The following ZBTB21 variants were observed in gnomAD, a reference collection of about 807,000 sequenced individuals.
ZBTB21 encodes zinc finger and BTB domain containing 21, also known as zinc finger and BTB domain-containing protein 21.
ZBTB21 carries 10 observed loss-of-function variants against 39.8 expected under a neutral mutation model. The ratio of observed to expected loss-of-function variants is 0.25; its 90% CI spans 0.16 to 0.43. The LOEUF (loss-of-function observed/expected upper bound fraction) is 0.43, where lower values mean the gene tolerates loss of function less well. Ranked by LOEUF, ZBTB21 falls within the 20% of genes least tolerant of loss-of-function variation. The pLI is 1.00. For synonymous variants in ZBTB21, 551 were observed against 498.8 expected (o/e 1.10, Z -1.40); for missense variants, 1,221 against 1,296.3 (o/e 0.94, Z 0.89).
At chr21:41,998,197 T>C (rs923132170) in intron 2 of ZBTB21, among the ~76,000 whole-genome samples, 1 of 151,748 alleles carries the variant, frequency 6.6e-6, no homozygotes, top group African/African-American at 2.4e-5. Context: ...TTTTCATTTT[T>C]TTTTTTTTTT....
At chr21:41,998,422 C>T (rs535922226) in intron 2 of ZBTB21, among the ~76,000 whole-genome samples, 1 of 152,226 alleles carries the variant, frequency 6.6e-6, no homozygotes, top group South Asian at 2.1e-4. Flanking sequence ...AACTCCTGAC[C>T]TCACGTGATC....
chr21:41,992,344 A>G lies in ZBTB21; in HGVS notation c.1752T>C (p.Phe584=), dbSNP rs1283936115. Residue 584 remains phenylalanine, a synonymous_variant, in exon 3 of 3, where the codon TTT becomes TTC. Coordinates refer to ENST00000310826, the MANE Select transcript of ZBTB21 (RefSeq NM_001098402.2). This position sits in a 1 kb window ranked among gnomAD's most constrained non-coding sequence, Gnocchi z 4.1. ...PYACDICHKR[F]HTNFKVWTHC... is the part of the protein sequence containing the mutation. ...GTGTCCACACTTTGAAGTTGGTGTG[A>G]AACCTCTTGTGACAGATGTCACAAG... 6.8e-6 allele frequency: 11 copies of G among 1,614,106 alleles called. No individual in the cohort carries two copies. The highest frequency in any genetic ancestry group is 9.3e-6 in the Non-Finnish European group (11 of 1,180,048).
Position 42,008,897 on chromosome 21 carries a change from T to C in ZBTB21, c.-79+1355A>G, listed in dbSNP as rs2065918235. On this transcript the variant is annotated intron_variant, in intron 1 of 2. Transcript: ENST00000310826. The stretch of plus-strand genomic sequence containing the variant: ...TTTAAACTTAATGACTACTAGTCCT[T>C]AGAGATCATCATTTACTCCAAGTAC... Among the ~76,000 whole-genome samples the C allele has an allele frequency of 1.3e-5, 2 of 152,248 alleles. 1 individual carries two copies. The highest frequency in any genetic ancestry group is 4.1e-4 in the South Asian group (2 of 4,828).
In ZBTB21 at chr21:41,991,157, T is replaced by G. The variant is rs752527926; in HGVS notation, c.2939A>C (p.Asn980Thr). 2 of 1,613,262 alleles carry G rather than the reference T, an allele frequency of 1.2e-6. No individual in the cohort carries two copies. The highest frequency in any genetic ancestry group is 3.3e-5 in the Admixed American group (2 of 59,928). ...TGGCAGAGGTGGTGGAGAGGGAGAG[T>G]TTGTGGGAACAGGGCACACCTCAGA... ...KESEVCPVPT[N>T]SPSPPPLPPP... Residue 980 changes from asparagine (N) to threonine (T), a missense_variant, in exon 3 of 3, where the codon AAC (asparagine) becomes ACC (threonine). Coordinates refer to ENST00000310826, the MANE Select transcript of ZBTB21 (RefSeq NM_001098402.2). This position sits in a 1 kb window ranked among gnomAD's most constrained non-coding sequence, Gnocchi z 4.9.
chr21:41,999,111 C>T (rs1284713106), intron 2 of ZBTB21, among the ~76,000 whole-genome samples: 9 of 152,116 alleles, frequency 5.9e-5, no homozygotes, highest in African/African-American at 1.9e-4. Flanking sequence ...TAATGTTACA[C>T]GTATTGACTC....
At chr21:42,006,168 A>C (rs2065876008) in intron 1 of ZBTB21, among the ~76,000 whole-genome samples, 1 of 152,148 alleles carries the variant, frequency 6.6e-6, no homozygotes, top group African/African-American at 2.4e-5. Context: ...TAATCCCAGC[A>C]CTTTGGGAAG....
rs1013681104 is a variant in ZBTB21, at chr21:41,992,814, G to A, written c.1282C>T (p.Arg428Cys). ...GGGCTGCTGGGCTCAGTCTTTATGC[G>A]CACCTCAGTCACAGGGGAAGCTCCC... ...REGASPVTEV[R>C]IKTEPSSPLS... Residue 428 changes from arginine to cysteine, a missense_variant, in exon 3 of 3, where the codon CGC becomes TGC. Physicochemically the swap from Arg to Cys is radical, Grantham distance 180. Transcript: ENST00000310826. This position sits in a 1 kb window ranked among gnomAD's most constrained non-coding sequence, Gnocchi z 4.1. 4.3e-6 allele frequency: 7 copies of A among 1,613,918 alleles called. No homozygotes were observed. In the Admixed American group the frequency reaches 6.7e-5, roughly 15 times the overall value.
chr21:42,005,831 T>C (rs934562993), intron 1 of ZBTB21, among the ~76,000 whole-genome samples: 1 of 152,206 alleles, frequency 6.6e-6, no homozygotes, highest in Non-Finnish European at 1.5e-5. Flanking sequence ...CCCCACTTTC[T>C]AGTGAGATAA....
chr21:42,010,025 A>G (rs1381394730), intron 1 of ZBTB21, among the ~76,000 whole-genome samples: 3 of 152,236 alleles, frequency 2.0e-5, no homozygotes, highest in African/African-American at 7.2e-5. Context: ...GAGCGTGCGC[A>G]GTGTGAAGGT....
At chr21:42,007,691 G>A (rs2065896937) in intron 1 of ZBTB21, 2 of 152,168 alleles carry the variant, frequency 1.3e-5, no homozygotes, top group Admixed American at 1.3e-4. Flanking sequence ...TCCCCCAAGG[G>A]ACTCCCTAAA....
At chr21:42,003,832 T>C (rs560864186) in intron 1 of ZBTB21, among the ~76,000 whole-genome samples, 2 of 152,354 alleles carry the variant, frequency 1.3e-5, no homozygotes, top group Middle Eastern at 6.8e-3. Context: ...AATGCTCATC[T>C]GGCCTTGCTG....
In ZBTB21 at chr21:41,991,677, C is replaced by T. The variant is rs374335079; in HGVS notation, c.2419G>A (p.Glu807Lys). 61 of 1,614,058 alleles carry T rather than the reference C, an allele frequency of 3.8e-5. No individual in the cohort carries two copies. Among genetic ancestry groups the T allele is most frequent in the South Asian group, 2.5e-4 (23 of 91,088 alleles). Residue 807 changes from glutamate to lysine, a missense_variant, in exon 3 of 3, where the codon GAA becomes AAA. Glu to Lys is a moderately conservative substitution (Grantham distance 56). Coordinates refer to ENST00000310826, the MANE Select transcript of ZBTB21 (RefSeq NM_001098402.2). The surrounding 1 kb of genome is among the most constrained non-coding windows in gnomAD (Gnocchi z 4.9). The part of the protein sequence containing the change: ...VHNQNNMAPT[E>K]NFSLPVLDHN... ...TCCAAAACGGGCAAAGAAAAGTTTTCGGTGGGTGCCATGTTGTTCTGATTA... is the reference window on the plus strand; with the variant it reads ...TCCAAAACGGGCAAAGAAAAGTTTTTGGTGGGTGCCATGTTGTTCTGATTA...
At position 41,992,397 on chromosome 21, in the gene ZBTB21, T is replaced by C; in HGVS notation, c.1699A>G (p.Met567Val). ...STAGLHRHVN[M>V]YHNPEKPYAC... ...TAGGGCTTTTCTGGGTTATGGTACATGTTAACATGACGGTGAAGACCTGCT... is the reference window on the plus strand; with the variant it reads ...TAGGGCTTTTCTGGGTTATGGTACACGTTAACATGACGGTGAAGACCTGCT... Residue 567 changes from methionine to valine, a missense_variant, in exon 3 of 3, where the codon ATG (methionine) becomes GTG (valine). This residue lies in a region of ZBTB21 where 90 missense variants were observed against 133.1 expected (regional missense o/e 0.68). Transcript: ENST00000310826. This position sits in a 1 kb window ranked among gnomAD's most constrained non-coding sequence, Gnocchi z 4.1. 6.2e-7 allele frequency: 1 copy of C among 1,614,224 alleles called. No individual in the cohort carries two copies. Among genetic ancestry groups the C allele is most frequent in the African/African-American group, 1.3e-5 (1 of 75,062 alleles).
At chr21:41,994,516 A>G (rs905794604) in intron 2 of ZBTB21, among the ~76,000 whole-genome samples, 3 of 152,248 alleles carry the variant, frequency 2.0e-5, no homozygotes, top group African/African-American at 7.2e-5. Context: ...TATAATTCTG[A>G]AAGAAAATCA....
intron 2 of ZBTB21, among the ~76,000 whole-genome samples, chr21:41,999,368 A>G (rs1318664960): frequency 6.6e-6 from 1 of 152,136 alleles, no homozygotes; most frequent in East Asian, 1.9e-4. Context: ...AGCTTGAGAA[A>G]CTTTTGTTTC....
Position 41,997,733 on chromosome 21 carries a change from C to A in ZBTB21, c.-13-3625G>T, listed in dbSNP as rs76347350. On this transcript the variant is annotated intron_variant, in intron 2 of 2. Transcript: ENST00000310826. The stretch of plus-strand genomic sequence containing the variant: ...AACAATAGCACAAAGGAAACTTTAG[C>A]CTAGTTCTAAATTTAATTAAAGAGT... Among the ~76,000 whole-genome samples, 895 of 152,254 alleles carry A rather than the reference C, an allele frequency of 5.9e-3. 11 individuals are homozygous for A. Among genetic ancestry groups the A allele is most frequent in the African/African-American group, 0.02 (839 of 41,532 alleles).
At chr21:42,008,502 T>C (rs1212299459) in intron 1 of ZBTB21, among the ~76,000 whole-genome samples, 2 of 138,188 alleles carry the variant, frequency 1.4e-5, no homozygotes, top group Non-Finnish European at 3.0e-5. Context: ...GATCACGCCA[T>C]TGTACTCCAG....
At position 41,991,773 on chromosome 21, in the gene ZBTB21, G is replaced by A; in HGVS notation, c.2323C>T (p.Leu775=). The A allele has an allele frequency of 6.2e-7, 1 of 1,614,256 alleles. No individual in the cohort carries two copies. The highest frequency in any genetic ancestry group is 8.5e-7 in the Non-Finnish European group (1 of 1,180,050). The change falls in exon 3 of 3, where the codon CTG becomes TTG. Residue 775 remains leucine (L), a synonymous_variant. Transcript: ENST00000310826. This position sits in a 1 kb window ranked among gnomAD's most constrained non-coding sequence, Gnocchi z 4.9. ...GTGCGCATGCACTCGAGGCAGGTCA[G>A]CTTCTTATACTCACACTTGCTCTCG... ...EHESKCEYKK[L]TCLECMRTFK... is the part of the protein sequence containing the mutation.
chr21:41,993,394 C>G lies in ZBTB21; in HGVS notation c.702G>C (p.Leu234Phe). 2 of 1,614,142 alleles carry G rather than the reference C, an allele frequency of 1.2e-6. No individual in the cohort carries two copies. The highest frequency in any genetic ancestry group is 1.7e-6 in the Non-Finnish European group (2 of 1,180,028). The change falls in exon 3 of 3, where the codon TTG becomes TTC. Residue 234 changes from leucine to phenylalanine, a missense_variant. Around this residue, in one of 4 missense-constraint regions of ZBTB21, gnomAD observed 500 missense variants for 465.6 expected, o/e 1.07. Coordinates refer to ENST00000310826, the MANE Select transcript of ZBTB21 (RefSeq NM_001098402.2). ...AAGGCAACACTGCATTTCTTTTCAC[C>G]AAACTGATTCTATTAGGATCATCCA... ...GSLDDPNRIS[L>F]VKRNAVLPSK... is the part of the protein sequence containing the mutation.
Sources: allele counts gnomAD v4.1 joint callset (sites outside exome capture counted in the v4.1 genomes callset), GRCh38; gene constraint gnomAD v4.1.1; regional missense constraint gnomAD v4.1.1; non-coding constraint Gnocchi (gnomAD v3.1); transcripts MANE v1.5; gene names NCBI Gene and HGNC (gene_info 2026-07-23, HGNC 2026-07-21).